The following PLEKHA5 variants were observed in gnomAD, a reference collection of about 807,000 sequenced individuals.
PLEKHA5 encodes pleckstrin homology domain-containing family A member 5.
Under a neutral mutation model 181.9 loss-of-function variants are expected in PLEKHA5, and 55 were observed. That is an observed-to-expected ratio of 0.30 (90% CI 0.24 to 0.38). The LOEUF (loss-of-function observed/expected upper bound fraction) is 0.38. Ranked by LOEUF, PLEKHA5 falls within the 10% of genes least tolerant of loss-of-function variation. The pLI is 1.00. For missense variants in PLEKHA5, 1,432 were observed against 1,549.5 expected (o/e 0.92, Z 1.27); for synonymous variants, 535 against 529.4 (o/e 1.01, Z -0.15).
chr12:19,307,160 C>T (rs150098081), intron 15 of PLEKHA5: 16 of 757,794 alleles, frequency 2.1e-5, no homozygotes, highest in African/African-American at 3.5e-5. Flanking sequence ...AGTCTGAAAT[C>T]GGATACCTCT....
intron 3 of PLEKHA5, among the ~76,000 whole-genome samples, chr12:19,156,107 C>T (rs534529932): frequency 5.9e-5 from 9 of 152,178 alleles, no homozygotes; most frequent in Admixed American, 1.3e-4. Flanking sequence ...TATCAGTTAT[C>T]GCGCAAAGTT....
At chr12:19,266,326 A>ACAAAG (rs1285868615) in intron 8 of PLEKHA5, among the ~76,000 whole-genome samples, 1 of 150,732 alleles carries the variant, frequency 6.6e-6, no homozygotes, top group African/African-American at 2.4e-5. Flanking sequence ...ACAAAACAAA[A>ACAAAG]CCAAAAAAAA....
At chr12:19,173,303 G>A (rs1462539862) in intron 3 of PLEKHA5, among the ~76,000 whole-genome samples, 15 of 151,990 alleles carry the variant, frequency 9.9e-5, no homozygotes, top group East Asian at 1.9e-4. Flanking sequence ...GATTACAGGC[G>A]TGAGCCACCG....
At chr12:19,248,644 A>G (rs1214517955) in intron 3 of PLEKHA5, among the ~76,000 whole-genome samples, 1 of 152,156 alleles carries the variant, frequency 6.6e-6, no homozygotes, top group Non-Finnish European at 1.5e-5. Flanking sequence ...GTTTATATAT[A>G]AATATATTTT....
intron 29 of PLEKHA5, among the ~76,000 whole-genome samples, chr12:19,363,122 GTT>G (rs57411101): frequency 6.8e-6 from 1 of 146,580 alleles, no homozygotes; most frequent in Non-Finnish European, 1.5e-5. Flanking sequence ...TTCTTTTTTT[GTT>G]TTTTTTTTGT....
chr12:19,160,636 C>G (rs1052705115), intron 3 of PLEKHA5, among the ~76,000 whole-genome samples: 10 of 151,932 alleles, frequency 6.6e-5, no homozygotes, highest in Non-Finnish European at 1.3e-4. Context: ...CTTAATGTGT[C>G]TTGAGTATTT....
intron 5 of PLEKHA5, among the ~76,000 whole-genome samples, 192 bp from the exon 6 acceptor site, chr12:19,257,241 A>G (rs1389589896): frequency 1.3e-5 from 2 of 152,150 alleles, no homozygotes; most frequent in African/African-American, 2.4e-5. Context: ...TGGGGGAAAA[A>G]TTTTTGGTGC....
intron 3 of PLEKHA5, among the ~76,000 whole-genome samples, chr12:19,173,005 C>CTTTCTTTTTTTTTTT (rs2046302396): frequency 3.0e-5 from 1 of 33,544 alleles, no homozygotes; most frequent in African/African-American, 1.1e-4. Flanking sequence ...ATTTCCCTTT[C>CTTTCTTTTTTTTTTT]TTTTTTTTTT....
intron 3 of PLEKHA5, chr12:19,152,303 C>CT (rs1441446297): frequency 6.6e-6 from 1 of 152,232 alleles, no homozygotes; most frequent in East Asian, 1.9e-4. Context: ...ACAAAGTTGC[C>CT]TAATAGGCAA....
chr12:19,258,561 C>CTTTTTTTTTTTTT (rs71440398), intron 6 of PLEKHA5, among the ~76,000 whole-genome samples: 1 of 123,798 alleles, frequency 8.1e-6, no homozygotes, highest in Non-Finnish European at 1.6e-5. Flanking sequence ...TTTTCTTTTT[C>CTTTTTTTTTTTTT]TTTTTTTTTT....
chr12:19,343,548 C>A, intron 22 of PLEKHA5, 114 bp downstream of exon 22: 1 of 694,580 alleles, frequency 1.4e-6, no homozygotes, highest in Non-Finnish European at 2.6e-6. Context: ...GTTGTACAAT[C>A]AGAGTGTACT....
In PLEKHA5 at chr12:19,274,530, C is replaced by T. The variant is rs2074003473; in HGVS notation, c.860C>T (p.Thr287Ile). 2 of 1,595,914 alleles carry T rather than the reference C, an allele frequency of 1.3e-6. No homozygotes were observed. The highest frequency in any genetic ancestry group is 1.7e-6 in the Non-Finnish European group (2 of 1,167,268). Residue 287 changes from threonine (T) to isoleucine (I), a missense_variant, in exon 11 of 32, where the codon ACA becomes ATA. This residue lies in a region of PLEKHA5 where 289 missense variants were observed against 381.1 expected (regional missense o/e 0.76). Coordinates refer to ENST00000429027, the MANE Select transcript of PLEKHA5 (RefSeq NM_001256470.2). ...TCTGATTTCAGAGTGGACAAGATTA[C>T]ATCTGAAAATGCACCAACTAAAGAA... is the stretch of plus-strand genomic sequence containing the variant. ...ITFNFRVDKITSENAPTKETN... is the reference protein window; with the variant it reads ...ITFNFRVDKIISENAPTKETN...
chr12:19,153,587 G>C (rs142067928), intron 3 of PLEKHA5: 1 of 151,980 alleles, frequency 6.6e-6, no homozygotes, highest in African/African-American at 2.4e-5. Flanking sequence ...TGTTACAATT[G>C]TACCTACATT....
At chr12:19,344,031 A>T (rs2094141340) in intron 22 of PLEKHA5, among the ~76,000 whole-genome samples, 1 of 150,148 alleles carries the variant, frequency 6.7e-6, no homozygotes, top group African/African-American at 2.5e-5. Context: ...CAGCATGGGC[A>T]GCAGAGGGAA....
intron 3 of PLEKHA5, among the ~76,000 whole-genome samples, chr12:19,165,029 A>G (rs1311317427): frequency 6.6e-6 from 1 of 151,174 alleles, no homozygotes; most frequent in Non-Finnish European, 1.5e-5. Flanking sequence ...AAACCAACTA[A>G]CCTCCCCAAA....
At chr12:19,276,773 A>T (rs1313783208) in intron 11 of PLEKHA5, among the ~76,000 whole-genome samples, 1 of 152,192 alleles carries the variant, frequency 6.6e-6, no homozygotes, top group African/African-American at 2.4e-5. Context: ...AAAAGAGAAG[A>T]TAGTGGTTGG....
chr12:19,202,081 T>C, intron 3 of PLEKHA5: 1 of 731,286 alleles, frequency 1.4e-6, no homozygotes, highest in Non-Finnish European at 1.7e-6. Flanking sequence ...CCCTACCTTT[T>C]TCCATATTTC....
At chr12:19,228,737 C>G (rs995505827) in intron 3 of PLEKHA5, among the ~76,000 whole-genome samples, 4 of 152,182 alleles carry the variant, frequency 2.6e-5, no homozygotes, top group Admixed American at 2.6e-4. Context: ...ATCTATTCCA[C>G]TTACCCACCC....
At chr12:19,322,999 C>G (rs1400179440) in intron 20 of PLEKHA5, among the ~76,000 whole-genome samples, 1 of 146,598 alleles carries the variant, frequency 6.8e-6, no homozygotes, top group Non-Finnish European at 1.5e-5. Context: ...CAGGCTGGCA[C>G]TACTACACCT....
Sources: gnomAD v4.1 joint callset for allele counts (sites outside exome capture counted in the v4.1 genomes callset) on GRCh38, gnomAD v4.1.1 for gene constraint, gnomAD v4.1.1 regional missense constraint, MANE v1.5 for transcripts, NCBI Gene and HGNC (gene_info 2026-07-23, HGNC 2026-07-21) for gene names.